The following TAF3 variants were observed in gnomAD, a reference collection of about 807,000 sequenced individuals.
TAF3 encodes transcription initiation factor TFIID subunit 3.
TAF3 carries 7 observed loss-of-function variants against 80.6 expected under a neutral mutation model. That is an observed-to-expected ratio of 0.09 (90% CI 0.05 to 0.16). The LOEUF is 0.16. TAF3 is among the 10% of genes least tolerant of loss of function. The pLI is 1.00. For missense variants in TAF3, 921 were observed against 1,140.2 expected, an observed-to-expected ratio of 0.81 and a Z score of 2.77; for synonymous variants, 444 against 446.1, an observed-to-expected ratio of 1.00 and a Z score of 0.06.
chr10:8,013,479 A>T (rs1017936439), intron 5 of TAF3, among the ~76,000 whole-genome samples: 1 of 152,128 alleles, frequency 6.6e-6, no homozygotes, highest in African/African-American at 2.4e-5. Context: ...GCTTTTTATG[A>T]CTTACAAAAG....
chr10:7,870,628 A>G lies in TAF3; in HGVS notation c.409+46068A>G, dbSNP rs1471305847. ...TAGGATGGTAACTTGTTAAACTTCTACAGACTCCTGACTTGAGTTTTTAGG... is the reference window on the plus strand; with the variant it reads ...TAGGATGGTAACTTGTTAAACTTCTGCAGACTCCTGACTTGAGTTTTTAGG... On this transcript the variant is annotated intron_variant, in intron 2 of 6. Transcript: ENST00000344293. 6.6e-5 allele frequency among the ~76,000 whole-genome samples: 10 copies of G among 152,228 alleles called. 1 individual carries two copies. Among genetic ancestry groups the G allele is most frequent in the East Asian group, 5.8e-4 (3 of 5,200 alleles).
In TAF3 at chr10:8,015,470, T is replaced by A. The variant is rs1226919135; in HGVS notation, c.*719T>A. 3 of 152,226 alleles carry A rather than the reference T, an allele frequency of 2.0e-5. No homozygotes were observed. The South Asian group carries it at 6.2e-4, about 31-fold the overall frequency. The allele number at this position is 152,226 out of a possible 1,614,324, so 9.4% of individuals were successfully genotyped here. A position where few individuals can be genotyped will look rare whatever the true frequency, so the allele number is the denominator to read the frequency against. ...GGAGTCTCTTCTCACTGCTTGTACA[T>A]TTCATCAACTTGTATAAAAACTCTT... On this transcript the variant is annotated 3_prime_UTR_variant, in exon 7 of 7. Transcript: ENST00000344293.
intron 2 of TAF3, among the ~76,000 whole-genome samples, chr10:7,948,671 G>A (rs1045579095): frequency 4.6e-5 from 7 of 152,168 alleles, no homozygotes; most frequent in African/African-American, 7.2e-5. Context: ...CTCCTAAATA[G>A]GAAGATGTTT....
At chr10:7,847,584 C>T (rs1352249857) in intron 2 of TAF3, among the ~76,000 whole-genome samples, 3 of 152,142 alleles carry the variant, frequency 2.0e-5, no homozygotes, top group African/African-American at 4.8e-5. Context: ...GCTGGAACTA[C>T]AGGCATGTGT....
intron 2 of TAF3, among the ~76,000 whole-genome samples, chr10:7,902,678 T>C (rs1837571037): frequency 6.6e-6 from 1 of 152,122 alleles, no homozygotes; most frequent in Non-Finnish European, 1.5e-5. Flanking sequence ...AAGGTCACTT[T>C]CTCCCTTTAT....
At chr10:7,825,851 T>G (rs563082632) in intron 2 of TAF3, among the ~76,000 whole-genome samples, 4 of 152,304 alleles carry the variant, frequency 2.6e-5, no homozygotes, top group Non-Finnish European at 4.4e-5. Context: ...TGTTTTTTTT[T>G]GGGTCTGTAC....
intron 4 of TAF3, among the ~76,000 whole-genome samples, chr10:8,000,415 C>G (rs1023163958): frequency 6.6e-6 from 1 of 152,134 alleles, no homozygotes; most frequent in Non-Finnish European, 1.5e-5. Flanking sequence ...CTGCACCCGG[C>G]CTTTTTCTTT....
At chr10:7,942,148 G>T (rs1837982213) in intron 2 of TAF3, among the ~76,000 whole-genome samples, 1 of 152,080 alleles carries the variant, frequency 6.6e-6, no homozygotes, top group African/African-American at 2.4e-5. Context: ...TTATAATTCT[G>T]ATTTGGAAGA....
At chr10:7,966,695 A>G (rs1222477848) in intron 3 of TAF3, among the ~76,000 whole-genome samples, 3 of 152,182 alleles carry the variant, frequency 2.0e-5, no homozygotes, top group African/African-American at 4.8e-5. Flanking sequence ...TTTTGTTCAT[A>G]TGATAAAATT....
chr10:8,010,479 A>G (rs1460428849), intron 5 of TAF3, among the ~76,000 whole-genome samples: 1 of 152,232 alleles, frequency 6.6e-6, no homozygotes, highest in Non-Finnish European at 1.5e-5. Flanking sequence ...TGATATTATG[A>G]GCCAGGTAGT....
chr10:7,914,428 G>A (rs182736643), intron 2 of TAF3, among the ~76,000 whole-genome samples: 3 of 152,152 alleles, frequency 2.0e-5, no homozygotes, highest in African/African-American at 7.2e-5. Context: ...TAATCTGTCG[G>A]TAAGAGTATT....
At chr10:8,012,857 C>T (rs896984620) in intron 5 of TAF3, among the ~76,000 whole-genome samples, 1 of 152,186 alleles carries the variant, frequency 6.6e-6, no homozygotes, top group African/African-American at 2.4e-5. Context: ...GAAGAACTAT[C>T]CCTTACAAAA....
At chr10:7,872,647 C>T (rs948748944) in intron 2 of TAF3, among the ~76,000 whole-genome samples, 8 of 152,144 alleles carry the variant, frequency 5.3e-5, no homozygotes, top group African/African-American at 1.7e-4. Flanking sequence ...TACAGGACAA[C>T]TAATTCTTGC....
At chr10:7,885,769 C>T (rs1837403728) in intron 2 of TAF3, among the ~76,000 whole-genome samples, 1 of 152,184 alleles carries the variant, frequency 6.6e-6, no homozygotes, top group African/African-American at 2.4e-5. Context: ...TCAGCTAATG[C>T]CTTAGTTTCA....
intron 2 of TAF3, among the ~76,000 whole-genome samples, chr10:7,962,078 T>C (rs1445663423): frequency 6.6e-6 from 1 of 152,186 alleles, no homozygotes; most frequent in African/African-American, 2.4e-5. Context: ...TTCAAACTCC[T>C]GGGCTCAGGT....
At chr10:7,902,507 C>G (rs756359374) in intron 2 of TAF3, among the ~76,000 whole-genome samples, 41 of 152,102 alleles carry the variant, frequency 2.7e-4, no homozygotes, top group Non-Finnish European at 5.9e-4. Context: ...TGGTTGTTTT[C>G]TCATGACGAA....
intron 4 of TAF3, among the ~76,000 whole-genome samples, chr10:7,998,006 G>T (rs957251491): frequency 6.6e-5 from 10 of 151,914 alleles, no homozygotes; most frequent in African/African-American, 2.4e-4. Context: ...TAAAAGGATT[G>T]TTTTTAAAAC....
chr10:8,006,775 G>A (rs1380545701), intron 4 of TAF3, among the ~76,000 whole-genome samples: 2 of 152,222 alleles, frequency 1.3e-5, no homozygotes, highest in Non-Finnish European at 2.9e-5. Flanking sequence ...AAGTGGAACC[G>A]TGAAGGCTGG....
chr10:7,880,225 G>A (rs975830144), intron 2 of TAF3, among the ~76,000 whole-genome samples: 8 of 152,140 alleles, frequency 5.3e-5, no homozygotes, highest in Admixed American at 5.2e-4. Flanking sequence ...GTGACAGAGT[G>A]AAACCTTGTC....
Sources: gnomAD v4.1 joint callset for allele counts (sites outside exome capture counted in the v4.1 genomes callset) on GRCh38, gnomAD v4.1.1 for gene constraint, MANE v1.5 for transcripts, NCBI Gene and HGNC (gene_info 2026-07-23, HGNC 2026-07-21) for gene names.